The following KCNMA1 variants were observed in gnomAD, a reference collection of about 807,000 sequenced individuals.
KCNMA1 encodes potassium calcium-activated channel subfamily M alpha 1.
In KCNMA1, 29 loss-of-function variants were observed where a neutral mutation model predicts 140.0. The ratio of observed to expected loss-of-function variants is 0.21; its 90% CI spans 0.15 to 0.28. The LOEUF is 0.28. KCNMA1 is among the 10% of genes least tolerant of loss of function. The pLI is 1.00. For missense variants in KCNMA1, 880 were observed against 1,602.2 expected (o/e 0.55, Z 7.70); for synonymous variants, 612 against 611.9 (o/e 1.00, Z 0.00).
intron 1 of KCNMA1, among the ~76,000 whole-genome samples, chr10:77,548,691 C>T (rs541513961): frequency 2.0e-5 from 3 of 152,352 alleles, no homozygotes; most frequent in African/African-American, 7.2e-5. Flanking sequence ...TGCCCCAGCT[C>T]TGTGGCTAAC....
intron 16 of KCNMA1, chr10:77,020,092 T>G (rs905198258): frequency 6.6e-6 from 1 of 152,190 alleles, no homozygotes; most frequent in Non-Finnish European, 1.5e-5. Flanking sequence ...ATTCAGGGAT[T>G]CTGAATAAAA....
chr10:76,885,444 G>C lies in KCNMA1; in HGVS notation c.*1822C>G. 1 of 985,174 alleles carries C rather than the reference G, an allele frequency of 1.0e-6. No individual in the cohort carries two copies. The highest frequency in any genetic ancestry group is 1.7e-5 in the African/African-American group (1 of 57,270). The allele number at this position is 985,174 out of a possible 1,614,324, so 61.0% of individuals were successfully genotyped here. A position where few individuals can be genotyped will look rare whatever the true frequency, so the allele number is the denominator to read the frequency against. ...TGGTGTGGGGGAGGGTGGAGGTTCT[G>C]ACTGAGCCTCACCATTTGTCAGTAA... On this transcript the variant is annotated 3_prime_UTR_variant, in exon 28 of 28. Coordinates refer to ENST00000286628, the MANE Select transcript of KCNMA1 (RefSeq NM_001161352.2).
intron 21 of KCNMA1, 89 bp downstream of exon 21, chr10:76,953,712 T>A: frequency 6.6e-7 from 1 of 1,509,328 alleles, no homozygotes; most frequent in Admixed American, 1.7e-5. Context: ...GACAGTATTA[T>A]CCCACTGTCC....
Position 77,090,327 on chromosome 10 carries a change from TACAG to T in KCNMA1, c.1334+69_1334+72del, listed in dbSNP as rs1024136595. The T allele has an allele frequency of 1.4e-5, 14 of 1,031,446 alleles. No homozygotes were observed. The East Asian group carries it at 2.8e-4, about 21-fold the overall frequency. 63.9% of individuals were successfully genotyped at this position (1,031,446 alleles called of 1,614,324 possible). On this transcript the variant is annotated intron_variant, in intron 10 of 27. Transcript: ENST00000286628. ...TGCCATTCCCCAAGACCTCCACTCTTACAGACATTCAGGGAGTCCCTCGCAGGGT... is the reference window on the plus strand; with the variant it reads ...TGCCATTCCCCAAGACCTCCACTCTTACATTCAGGGAGTCCCTCGCAGGGT...
chr10:77,603,752 G>A (rs918050705), intron 1 of KCNMA1, among the ~76,000 whole-genome samples: 2 of 152,138 alleles, frequency 1.3e-5, no homozygotes, highest in African/African-American at 4.8e-5. Flanking sequence ...ACTAGCTCTT[G>A]ACAGAGGACT....
intron 1 of KCNMA1, among the ~76,000 whole-genome samples, chr10:77,584,784 A>C (rs1383270184): frequency 6.6e-6 from 1 of 152,210 alleles, no homozygotes; most frequent in Non-Finnish European, 1.5e-5. Context: ...GCTGTCTGAC[A>C]TCACCTAGGA....
intron 1 of KCNMA1, chr10:77,636,346 T>A: frequency 6.5e-7 from 1 of 1,529,356 alleles, no homozygotes; most frequent in Non-Finnish European, 8.8e-7. Context: ...ATCGAAGGTG[T>A]CGCCAGCCTC....
At chr10:77,381,618 T>A (rs11596872) in intron 2 of KCNMA1, among the ~76,000 whole-genome samples, 30,170 of 152,072 alleles carry the variant, frequency 0.2, 3,259 homozygotes, top group East Asian at 0.32. Flanking sequence ...CCAGTGATTG[T>A]GGTCTAAGTT....
At chr10:77,350,039 C>T (rs900709750) in intron 2 of KCNMA1, among the ~76,000 whole-genome samples, 1 of 152,164 alleles carries the variant, frequency 6.6e-6, no homozygotes, top group Non-Finnish European at 1.5e-5. Flanking sequence ...GCTGGGACTA[C>T]AGGCGCCTGC....
At chr10:76,993,494 C>T (rs920259400) in intron 19 of KCNMA1, among the ~76,000 whole-genome samples, 5 of 152,234 alleles carry the variant, frequency 3.3e-5, no homozygotes, top group African/African-American at 1.2e-4. Flanking sequence ...AAGACTGTAA[C>T]TTCTTGGATT....
intron 2 of KCNMA1, among the ~76,000 whole-genome samples, chr10:77,359,074 C>T (rs191764370): frequency 7.2e-4 from 109 of 152,282 alleles, no homozygotes; most frequent in Admixed American, 1.6e-3. Flanking sequence ...TAAGGCACTT[C>T]CTGCAGAGAT....
intron 2 of KCNMA1, among the ~76,000 whole-genome samples, chr10:77,258,487 C>T (rs2077411517): frequency 6.6e-6 from 1 of 152,170 alleles, no homozygotes; most frequent in African/African-American, 2.4e-5. Flanking sequence ...CCATCGCCTC[C>T]CTCTCCTTGC....
At chr10:77,101,184 C>T (rs1341151953) in intron 9 of KCNMA1, among the ~76,000 whole-genome samples, 1 of 152,098 alleles carries the variant, frequency 6.6e-6, no homozygotes, top group East Asian at 1.9e-4. Context: ...CCACCAAGAC[C>T]CCTCTCATCA....
chr10:77,204,952 C>T (rs2043597631), intron 3 of KCNMA1, among the ~76,000 whole-genome samples: 1 of 152,164 alleles, frequency 6.6e-6, no homozygotes, highest in African/African-American at 2.4e-5. Flanking sequence ...ATCCCCCTTC[C>T]CCTGATCAGT....
chr10:77,473,193 G>C (rs928016475), intron 1 of KCNMA1, among the ~76,000 whole-genome samples: 11 of 152,170 alleles, frequency 7.2e-5, no homozygotes, highest in African/African-American at 2.7e-4. Context: ...TTTCACCATA[G>C]GCCCTCAACC....
intron 24 of KCNMA1, chr10:76,913,163 A>C (rs1322339027): frequency 2.0e-5 from 3 of 152,170 alleles, no homozygotes; most frequent in African/African-American, 7.2e-5. Flanking sequence ...GAGTCATGTG[A>C]AGGCAGGTGC....
intron 2 of KCNMA1, among the ~76,000 whole-genome samples, chr10:77,260,569 C>T (rs1293141939): frequency 6.6e-6 from 1 of 152,048 alleles, no homozygotes; most frequent in Non-Finnish European, 1.5e-5. Context: ...ATTAGTTGGG[C>T]GTGGTGCTGT....
intron 3 of KCNMA1, among the ~76,000 whole-genome samples, chr10:77,236,236 G>A (rs756431946): frequency 6.6e-6 from 1 of 152,230 alleles, no homozygotes; most frequent in Non-Finnish European, 1.5e-5. Flanking sequence ...ACATGGAGGA[G>A]ATAATGAAAG....
chr10:77,057,291 C>A (rs546205476), intron 14 of KCNMA1, among the ~76,000 whole-genome samples: 1 of 152,188 alleles, frequency 6.6e-6, no homozygotes, highest in South Asian at 2.1e-4. Context: ...AAATGTTGAA[C>A]CCTGAATTCT....
Sources: gnomAD v4.1 joint callset for allele counts (sites outside exome capture counted in the v4.1 genomes callset) on GRCh38, gnomAD v4.1.1 for gene constraint, MANE v1.5 for transcripts, NCBI Gene and HGNC (gene_info 2026-07-23, HGNC 2026-07-21) for gene names.